Variants in SNX32 observed in about 807,000 individuals in gnomAD.
The protein encoded by SNX32 is sorting nexin-32.
Under a neutral mutation model 57.0 loss-of-function variants are expected in SNX32, and 58 were observed. The ratio of observed to expected loss-of-function variants is 1.02; its 90% CI spans 0.82 to 1.27. The LOEUF is 1.27. SNX32 is among the 50% of genes most tolerant of loss of function. The pLI, the probability that SNX32 is intolerant of heterozygous loss-of-function variation, is 0.00. For missense variants in SNX32, 589 were observed against 541.2 expected (o/e 1.09, Z -0.88); for synonymous variants, 262 against 220.4 (o/e 1.19, Z -1.67).
At chr11:65,851,750 G>C in intron 9 of SNX32, 71 bp downstream of exon 9, 4 of 1,534,220 alleles carry the variant, frequency 2.6e-6, no homozygotes, top group Non-Finnish European at 2.7e-6. Flanking sequence ...CTGGCAGAGG[G>C]AAGAGCTCCA....
intron 1 of SNX32, among the ~76,000 whole-genome samples, chr11:65,841,090 G>GC (rs1858827995): frequency 6.6e-6 from 1 of 151,590 alleles, no homozygotes; most frequent in Non-Finnish European, 1.5e-5. Context: ...GATTACAAGC[G>GC]CCCCCCACCA....
chr11:65,851,467 G>T lies in SNX32; in HGVS notation c.785+64G>T, dbSNP rs949429279. 4 of 1,581,546 alleles carry T rather than the reference G, an allele frequency of 2.5e-6. No individual in the cohort carries two copies. In the African/African-American group the frequency reaches 5.4e-5, roughly 21 times the overall value. ...GTAATACCATGTCTTCCCATGAGGG[G>T]TCACTCTGTAGATGTCTACTGTCAG... is the stretch of plus-strand genomic sequence containing the variant. On this transcript the variant is annotated intron_variant, in intron 8 of 12. Transcript: ENST00000308342.
intron 1 of SNX32, among the ~76,000 whole-genome samples, chr11:65,841,930 T>G (rs1858853149): frequency 6.6e-6 from 1 of 152,088 alleles, no homozygotes; most frequent in Non-Finnish European, 1.5e-5. Context: ...ATTATAAAAT[T>G]ACAAAGAGAT....
intron 1 of SNX32, among the ~76,000 whole-genome samples, chr11:65,836,580 T>C (rs2063638132): frequency 6.6e-6 from 1 of 152,084 alleles, no homozygotes; most frequent in Non-Finnish European, 1.5e-5. Context: ...TTATAAATAA[T>C]TATACTATAA....
At chr11:65,850,410 G>A in intron 4 of SNX32, 21 bp from the exon 5 acceptor site, 1 of 1,613,700 alleles carries the variant, frequency 6.2e-7, no homozygotes, top group Non-Finnish European at 8.5e-7. Context: ...GAGGGCCGGT[G>A]AGCTGCTGCC....
At chr11:65,849,135 C>T (rs1430468029) in intron 1 of SNX32, among the ~76,000 whole-genome samples, 6 of 152,044 alleles carry the variant, frequency 3.9e-5, no homozygotes, top group African/African-American at 7.2e-5. Context: ...TGCAAGACTC[C>T]GTCTAAAAAA....
At chr11:65,849,343 C>A in intron 1 of SNX32, 135 bp from the exon 2 acceptor site, 1 of 673,250 alleles carries the variant, frequency 1.5e-6, no homozygotes, top group East Asian at 2.6e-5. Flanking sequence ...TATCAGGACC[C>A]CTCTCTGGTG....
At chr11:65,850,933 G>A (rs1859166158) in intron 6 of SNX32, 78 bp downstream of exon 6, 2 of 1,528,916 alleles carry the variant, frequency 1.3e-6, no homozygotes, top group South Asian at 1.1e-5. Context: ...GGCTGGGTGT[G>A]GGAAGGAAGC....
Position 65,849,818 on chromosome 11 carries a change from C to T in SNX32, c.142-102C>T. 3.2e-6 allele frequency: 3 copies of T among 944,326 alleles called. No homozygotes were observed. In the South Asian group the frequency reaches 4.9e-5, roughly 16 times the overall value. 58.5% of individuals were successfully genotyped at this position (944,326 alleles called of 1,614,324 possible). On this transcript the variant is annotated intron_variant, in intron 2 of 12. Transcript: ENST00000308342. ...CACACCTGAGCTCTAACTTTGTCCT[C>T]CCTGGGATGTGGGATGAGGGGGGCC...
chr11:65,851,587 C>T (rs1591040235), intron 8 of SNX32, 53 bp from the exon 9 acceptor site: 1 of 1,600,464 alleles, frequency 6.2e-7, no homozygotes, highest in Non-Finnish European at 8.6e-7. Context: ...GACAGAGAGG[C>T]TTTGAGCTGT....
At chr11:65,841,146 T>G (rs938177305) in intron 1 of SNX32, among the ~76,000 whole-genome samples, 3 of 150,700 alleles carry the variant, frequency 2.0e-5, no homozygotes, top group Admixed American at 6.6e-5. Flanking sequence ...GGTTTTACCA[T>G]GTTGACCAGC....
intron 5 of SNX32, 69 bp from the exon 6 acceptor site, chr11:65,850,682 G>A: frequency 6.3e-7 from 1 of 1,584,822 alleles, no homozygotes; most frequent in Non-Finnish European, 8.6e-7. Flanking sequence ...AGCTCCGTGA[G>A]TGGCTTGCAA....
chr11:65,845,737 C>A (rs1858974822), intron 1 of SNX32, among the ~76,000 whole-genome samples: 2 of 149,992 alleles, frequency 1.3e-5, no homozygotes, highest in African/African-American at 2.5e-5. Context: ...AACTCCATCT[C>A]AAAAAAAAAC....
chr11:65,846,679 G>A (rs1043777521), intron 1 of SNX32, among the ~76,000 whole-genome samples: 7 of 151,848 alleles, frequency 4.6e-5, no homozygotes, highest in Non-Finnish European at 8.8e-5. Flanking sequence ...GGAGCCTTCC[G>A]GAGTGTTTAA....
At chr11:65,849,867 TGA>T (rs1859112313) in intron 2 of SNX32, 51 bp from the exon 3 acceptor site, 1 of 1,442,068 alleles carries the variant, frequency 6.9e-7, no homozygotes, top group African/African-American at 1.4e-5. Flanking sequence ...CCAGACTTGC[TGA>T]GGCAGGGCTT....
chr11:65,835,652 C>T (rs1266570112), intron 1 of SNX32: 1 of 152,058 alleles, frequency 6.6e-6, no homozygotes, highest in African/African-American at 2.4e-5. Context: ...GGCCCATCTC[C>T]CTCAAGCAGC....
At chr11:65,836,014 G>A (rs1178808893) in intron 1 of SNX32, among the ~76,000 whole-genome samples, 1 of 152,020 alleles carries the variant, frequency 6.6e-6, no homozygotes, top group Non-Finnish European at 1.5e-5. Context: ...CAACATAAGG[G>A]TTAGCTATTA....
chr11:65,853,599 C>T lies in SNX32; in HGVS notation c.*264C>T. 3.6e-6 allele frequency: 2 copies of T among 561,760 alleles called. No individual in the cohort carries two copies. Among genetic ancestry groups the T allele is most frequent in the Non-Finnish European group, 6.4e-6 (2 of 312,478 alleles). The allele number at this position is 561,760 out of a possible 1,614,324, so 34.8% of individuals were successfully genotyped here. A position where few individuals can be genotyped will look rare whatever the true frequency, so the allele number is the denominator to read the frequency against. ...GACCCTGACACCTCTCCCCAGGAAG[C>T]TGAGGAACAGCCTCTACCCTCACCC... On this transcript the variant is annotated 3_prime_UTR_variant, in exon 13 of 13. Coordinates refer to ENST00000308342, the MANE Select transcript of SNX32 (RefSeq NM_152760.3).
chr11:65,853,352 C>T lies in SNX32; in HGVS notation c.*17C>T, dbSNP rs774642929. The T allele has an allele frequency of 1.2e-6, 2 of 1,613,512 alleles. No homozygotes were observed. The highest frequency in any genetic ancestry group is 1.7e-6 in the Non-Finnish European group (2 of 1,179,580). Reference sequence around the variant, plus strand: ...GAGCCTTAGAGTAGCCAGAGCTCAGCCAGACCCTAATCTGGGATCTCCAGT... The same window carrying T: ...GAGCCTTAGAGTAGCCAGAGCTCAGTCAGACCCTAATCTGGGATCTCCAGT... On this transcript the variant is annotated 3_prime_UTR_variant, in exon 13 of 13. Coordinates refer to ENST00000308342, the MANE Select transcript of SNX32 (RefSeq NM_152760.3).
Sources: allele counts gnomAD v4.1 joint callset (sites outside exome capture counted in the v4.1 genomes callset), GRCh38; gene constraint gnomAD v4.1.1; transcripts MANE v1.5; gene names NCBI Gene and HGNC (gene_info 2026-07-23, HGNC 2026-07-21).